OR8G1: variants seen among roughly 807,000 people sequenced by gnomAD.
OR8G1 encodes the protein olfactory receptor family 8 subfamily G member 1.
For missense variants in OR8G1, 372 were observed against 356.2 expected (o/e 1.04, Z -0.36); for synonymous variants, 129 against 133.3 (o/e 0.97, Z 0.22).
chr11:124,245,519 G>A (rs1156825543), intron 1 of OR8G1, among the ~76,000 whole-genome samples: 5 of 132,758 alleles, frequency 3.8e-5, no homozygotes, highest in Non-Finnish European at 7.9e-5. Flanking sequence ...TAGTCTTTGG[G>A]TATATACCCA....
intron 1 of OR8G1, 113 bp downstream of exon 1, chr11:124,241,477 T>C (rs1292654966): frequency 6.6e-6 from 1 of 152,126 alleles, no homozygotes; most frequent in African/African-American, 2.4e-5. Context: ...CAATTATTTA[T>C]GAAATGCTCT....
chr11:124,247,108 A>T (rs1307672735), intron 1 of OR8G1, among the ~76,000 whole-genome samples: 1 of 151,704 alleles, frequency 6.6e-6, no homozygotes, highest in African/African-American at 2.4e-5. Context: ...CCACTTCAAG[A>T]GGTTAGGGAA....
At chr11:124,243,249 G>A (rs1861777019) in intron 1 of OR8G1, among the ~76,000 whole-genome samples, 1 of 151,784 alleles carries the variant, frequency 6.6e-6, no homozygotes, top group African/African-American at 2.4e-5. Flanking sequence ...TAACACGCAG[G>A]AGTAAACATA....
rs542660975 is a variant in OR8G1 at position 124,249,812 on chromosome 11, C to T, written c.137C>T (p.Thr46Ile). Reference protein sequence around the residue: ...VVTVVGNLGMTTLIWLSSHLH... With the variant: ...VVTVVGNLGMITLIWLSSHLH... Reference sequence around the variant, plus strand: ...ACAGTGGTGGGCAACCTGGGCATGACCACACTGATTTGGCTCAGTTCTCAC... The same window carrying T: ...ACAGTGGTGGGCAACCTGGGCATGATCACACTGATTTGGCTCAGTTCTCAC... Residue 46 changes from threonine to isoleucine, a missense_variant, in exon 3 of 3, where the codon ACC (threonine) becomes ATC (isoleucine). Transcript: ENST00000641972. 1.9e-6 allele frequency: 3 copies of T among 1,613,986 alleles called. No homozygotes were observed. Among genetic ancestry groups the T allele is most frequent in the East Asian group, 2.2e-5 (1 of 44,860 alleles).
At chr11:124,241,445 T>C (rs1315447666) in intron 1 of OR8G1, 81 bp downstream of exon 1, 2 of 152,160 alleles carry the variant, frequency 1.3e-5, no homozygotes, top group Non-Finnish European at 2.9e-5. Context: ...GAAACTATTA[T>C]TCCTCATTAT....
At chr11:124,245,906 T>G (rs11607806) in intron 1 of OR8G1, among the ~76,000 whole-genome samples, 71,738 of 144,530 alleles carry the variant, frequency 0.5, 18,387 homozygotes, top group South Asian at 0.68. Flanking sequence ...TTGTAGATTC[T>G]GGATATTAGC....
At chr11:124,249,625 G>T in intron 2 of OR8G1, 35 bp from the exon 3 acceptor site, 1 of 1,542,616 alleles carries the variant, frequency 6.5e-7, no homozygotes, top group South Asian at 1.3e-5. Context: ...CCACAACCAT[G>T]GGGTTTTTTT....
rs1012737497 is a variant in OR8G1, at chr11:124,253,566, A to G, written c.*2955A>G. ...AAATGCCTAAATTGAGCTAGTTAAC[A>G]TATATATTACCTAACATATTTATTT... is the stretch of plus-strand genomic sequence containing the variant. On this transcript the variant is annotated 3_prime_UTR_variant, in exon 3 of 3. Coordinates refer to ENST00000641972, the MANE Select transcript of OR8G1 (RefSeq NM_001002905.2). 6.6e-6 allele frequency: 1 copy of G among 152,186 alleles called. No homozygotes were observed. The highest frequency in any genetic ancestry group is 2.4e-5 in the African/African-American group (1 of 41,442). The allele number at this position is 152,186 out of a possible 1,614,324, so 9.4% of individuals were successfully genotyped here.
In OR8G1 at chr11:124,249,988, C is replaced by A. The variant is rs756207828; in HGVS notation, c.313C>A (p.Leu105Ile). 16 of 1,613,846 alleles carry A rather than the reference C, an allele frequency of 9.9e-6. No homozygotes were observed. In the South Asian group the frequency reaches 1.8e-4, roughly 18 times the overall value. ...PECMTQLYFF[L>I]VFAIAECHML... ...ATGCATGACTCAGCTCTACTTCTTCCTCGTTTTTGCTATTGCAGAGTGTCA... is the reference window on the plus strand; with the variant it reads ...ATGCATGACTCAGCTCTACTTCTTCATCGTTTTTGCTATTGCAGAGTGTCA... Residue 105 changes from leucine to isoleucine, a missense_variant, in exon 3 of 3, where the codon CTC becomes ATC. Physicochemically the swap from Leu to Ile is conservative, Grantham distance 5. Coordinates refer to ENST00000641972, the MANE Select transcript of OR8G1 (RefSeq NM_001002905.2).
chr11:124,250,967 T>G lies in OR8G1; in HGVS notation c.*356T>G, dbSNP rs1212030290. On this transcript the variant is annotated 3_prime_UTR_variant, in exon 3 of 3. Transcript: ENST00000641972. Reference sequence around the variant, plus strand: ...CCAAAAGTGATACCAATCTCCCTTATTCTGTCTTTTCAATAACAACATAAA... The same window carrying G: ...CCAAAAGTGATACCAATCTCCCTTAGTCTGTCTTTTCAATAACAACATAAA... 1 of 113,404 alleles carries G rather than the reference T, an allele frequency of 8.8e-6. No individual in the cohort carries two copies. Among genetic ancestry groups the G allele is most frequent in the Non-Finnish European group, 1.7e-5 (1 of 57,790 alleles). The allele number at this position is 113,404 out of a possible 1,614,324, so 7.0% of individuals were successfully genotyped here. A position where few individuals can be genotyped will look rare whatever the true frequency, so the allele number is the denominator to read the frequency against.
Position 124,249,882 on chromosome 11 carries a change from T to G in OR8G1, c.207T>G (p.Ile69Met), listed in dbSNP as rs1389434879. The G allele has an allele frequency of 1.9e-6, 3 of 1,614,040 alleles. No homozygotes were observed. In the South Asian group the frequency reaches 3.3e-5, roughly 18 times the overall value. The change falls in exon 3 of 3, where the codon ATT becomes ATG. Residue 69 changes from isoleucine to methionine, a missense_variant. By Grantham distance (10) the Ile-to-Met change is conservative. Transcript: ENST00000641972. ...ATTTCCTCAGCAGTCTGTCCTTCAT[T>G]GACTTCTGCCATTCCACTGTCATTA... is the stretch of plus-strand genomic sequence containing the variant. Reference protein sequence around the residue: ...MYYFLSSLSFIDFCHSTVITP... With the variant: ...MYYFLSSLSFMDFCHSTVITP...
chr11:124,247,368 G>A (rs900733754), intron 1 of OR8G1, among the ~76,000 whole-genome samples: 3 of 150,400 alleles, frequency 2.0e-5, no homozygotes, highest in African/African-American at 4.8e-5. Flanking sequence ...AGATGTTAAA[G>A]AAACAATTAC....
chr11:124,244,803 A>G (rs1374433982), intron 1 of OR8G1, among the ~76,000 whole-genome samples: 3 of 151,936 alleles, frequency 2.0e-5, no homozygotes, highest in African/African-American at 4.8e-5. Context: ...AATTTTTTTC[A>G]TAAATCTAAA....
chr11:124,249,614 C>T (rs1160332079), intron 2 of OR8G1, 46 bp from the exon 3 acceptor site: 4 of 1,508,940 alleles, frequency 2.7e-6, no homozygotes, highest in East Asian at 4.7e-5. Context: ...TAAAGTCCCT[C>T]CCACAACCAT....
chr11:124,250,121 A>G lies in OR8G1; in HGVS notation c.446A>G (p.Tyr149Cys), dbSNP rs1386622908. ...KACFSLILGV[Y>C]IIGLVCASVH... ...TGCTTTTCTCTGATTTTAGGGGTGT[A>G]TATAATAGGCCTGGTTTGTGCATCA... Residue 149 changes from tyrosine to cysteine, a missense_variant, in exon 3 of 3, where the codon TAT becomes TGT. Tyr to Cys is a radical substitution (Grantham distance 194, BLOSUM62 -2). Coordinates refer to ENST00000641972, the MANE Select transcript of OR8G1 (RefSeq NM_001002905.2). 3.1e-6 allele frequency: 5 copies of G among 1,613,618 alleles called. No individual in the cohort carries two copies. The highest frequency in any genetic ancestry group is 2.7e-5 in the African/African-American group (2 of 74,864).
chr11:124,247,133 A>G (rs1861819762), intron 1 of OR8G1, among the ~76,000 whole-genome samples: 1 of 151,832 alleles, frequency 6.6e-6, no homozygotes, highest in South Asian at 2.1e-4. Context: ...ATAGGAAATC[A>G]TACTAAAGAA....
chr11:124,248,637 GATC>G (rs1327211812), intron 2 of OR8G1, among the ~76,000 whole-genome samples: 1 of 151,856 alleles, frequency 6.6e-6, no homozygotes, highest in Non-Finnish European at 1.5e-5. Context: ...TAATTTGCCT[GATC>G]ATAGTTTAAC....
At chr11:124,249,253 G>C (rs1444541934) in intron 2 of OR8G1, among the ~76,000 whole-genome samples, 1 of 152,008 alleles carries the variant, frequency 6.6e-6, no homozygotes, top group Admixed American at 6.6e-5. Context: ...TAATATCTCT[G>C]TTCACCCCTC....
At position 124,249,176 on chromosome 11, in the gene OR8G1, AT is replaced by A. The variant is rs1333285640; in HGVS notation, c.-16-483del. Among the ~76,000 whole-genome samples the A allele has an allele frequency of 5.3e-5, 8 of 152,248 alleles. No individual in the cohort carries two copies. The East Asian group carries it at 1.5e-3, about 29-fold the overall frequency. ...TGTTTCATAGTAATAATATTTTAAA[AT>A]ATGAAAATTTTATGTATAAATCGAG... On this transcript the variant is annotated intron_variant, in intron 2 of 2. Transcript: ENST00000641972.
Sources: gnomAD v4.1 joint callset for allele counts (sites outside exome capture counted in the v4.1 genomes callset) on GRCh38, gnomAD v4.1.1 for gene constraint, MANE v1.5 for transcripts, NCBI Gene and HGNC (gene_info 2026-07-23, HGNC 2026-07-21) for gene names.